MARCHF8: variants seen among roughly 807,000 people sequenced by gnomAD.
MARCHF8 encodes membrane associated ring-CH-type finger 8, also known as E3 ubiquitin-protein ligase MARCHF8.
Under a neutral mutation model 51.6 loss-of-function variants are expected in MARCHF8, and 40 were observed. The observed-to-expected ratio is 0.77, with a 90% CI of 0.60 to 1.01. The LOEUF is 1.01. Ranked by LOEUF, MARCHF8 falls within the 50% of genes least tolerant of loss-of-function variation. MARCHF8 has a pLI of 0.00. For synonymous variants in MARCHF8, 263 were observed against 280.3 expected, an observed-to-expected ratio of 0.94 and a Z score of 0.62; for missense variants, 685 against 708.6, an observed-to-expected ratio of 0.97 and a Z score of 0.38.
intron 3 of MARCHF8, among the ~76,000 whole-genome samples, chr10:45,467,752 C>G (rs147737160): frequency 4.7e-4 from 72 of 152,110 alleles, no homozygotes; most frequent in African/African-American, 1.6e-3. Context: ...CAGTGTGGCA[C>G]GTGTGAGCCG....
intron 2 of MARCHF8, among the ~76,000 whole-genome samples, chr10:45,492,320 C>G (rs771062751): frequency 6.7e-6 from 1 of 150,246 alleles, no homozygotes; most frequent in African/African-American, 2.4e-5. Context: ...TTTTTTGATA[C>G]GTAGTCTCGC....
chr10:45,560,168 G>A (rs1031018865), intron 1 of MARCHF8, among the ~76,000 whole-genome samples: 1 of 152,226 alleles, frequency 6.6e-6, no homozygotes, highest in African/African-American at 2.4e-5. Flanking sequence ...CCAGAAAAAC[G>A]AGATATGAAA....
intron 2 of MARCHF8, 127 bp downstream of exon 2, chr10:45,532,983 C>G (rs1298364808): frequency 3.2e-6 from 2 of 621,692 alleles, no homozygotes; most frequent in Non-Finnish European, 4.8e-6. Context: ...CTGAGTACAA[C>G]TATTTGTGTG....
chr10:45,499,316 CT>C (rs1236745332), intron 2 of MARCHF8, among the ~76,000 whole-genome samples: 1 of 152,142 alleles, frequency 6.6e-6, no homozygotes, highest in African/African-American at 2.4e-5. Context: ...TGTAGGAGTT[CT>C]TTATATATTC....
At chr10:45,523,259 C>T (rs1246803380) in intron 2 of MARCHF8, among the ~76,000 whole-genome samples, 1 of 152,190 alleles carries the variant, frequency 6.6e-6, no homozygotes, top group Non-Finnish European at 1.5e-5. Flanking sequence ...AATAGGGTGG[C>T]TCACACCTAT....
chr10:45,506,506 A>C (rs1174572316), intron 2 of MARCHF8, among the ~76,000 whole-genome samples: 6 of 152,222 alleles, frequency 3.9e-5, no homozygotes, highest in Non-Finnish European at 7.3e-5. Context: ...TATGTCTTGC[A>C]ATATATCAGC....
intron 2 of MARCHF8, among the ~76,000 whole-genome samples, chr10:45,511,525 AGCCTGCCGAGT>A (rs1431372753): frequency 2.0e-5 from 3 of 152,140 alleles, no homozygotes; most frequent in Admixed American, 2.0e-4. Flanking sequence ...CTCCTGCCTC[AGCCTGCCGAGT>A]GCCTGCGATT....
chr10:45,522,340 A>G (rs999210154), intron 2 of MARCHF8, among the ~76,000 whole-genome samples: 1 of 152,168 alleles, frequency 6.6e-6, no homozygotes, highest in Non-Finnish European at 1.5e-5. Context: ...ATCTCCCACA[A>G]AGTAACCATT....
intron 3 of MARCHF8, among the ~76,000 whole-genome samples, chr10:45,488,426 G>C (rs781300764): frequency 6.6e-6 from 1 of 152,070 alleles, no homozygotes; most frequent in African/African-American, 2.4e-5. Context: ...GTGTCAAGTA[G>C]GAGATAGCAC....
At chr10:45,533,009 T>A (rs1016064066) in intron 2 of MARCHF8, 101 bp downstream of exon 2, 1 of 825,246 alleles carries the variant, frequency 1.2e-6, no homozygotes, top group Admixed American at 3.6e-5. Context: ...CAGTATATTA[T>A]CAGAGAAAAC....
At chr10:45,531,728 G>A (rs2043889525) in intron 2 of MARCHF8, among the ~76,000 whole-genome samples, 1 of 152,196 alleles carries the variant, frequency 6.6e-6, no homozygotes, top group Non-Finnish European at 1.5e-5. Context: ...TGTGTTAACA[G>A]ATTAGACTAA....
At chr10:45,550,276 G>C (rs1278948604) in intron 1 of MARCHF8, among the ~76,000 whole-genome samples, 2 of 152,102 alleles carry the variant, frequency 1.3e-5, no homozygotes, top group Non-Finnish European at 2.9e-5. Context: ...ATATTCCCAA[G>C]GTTTAGATAC....
intron 1 of MARCHF8, among the ~76,000 whole-genome samples, chr10:45,558,351 G>A (rs1275842324): frequency 6.6e-6 from 1 of 152,208 alleles, no homozygotes; most frequent in Non-Finnish European, 1.5e-5. Flanking sequence ...TGAGAAGAGA[G>A]TAGTGGCTTG....
At chr10:45,462,281 A>C (rs1277605656) in intron 5 of MARCHF8, 1 of 152,344 alleles carries the variant, frequency 6.6e-6, no homozygotes, top group East Asian at 1.9e-4. Flanking sequence ...TCATGACAAA[A>C]AGTGAATTAT....
intron 2 of MARCHF8, among the ~76,000 whole-genome samples, chr10:45,523,412 T>C (rs1008469656): frequency 6.6e-6 from 1 of 152,140 alleles, no homozygotes; most frequent in Non-Finnish European, 1.5e-5. Flanking sequence ...TAGTCCCAGC[T>C]ATTCAGGAGG....
chr10:45,537,652 CAAA>C (rs559861085), upstream of MARCHF8, among the ~76,000 whole-genome samples: 14 of 78,112 alleles, frequency 1.8e-4, no homozygotes, highest in Admixed American at 1.5e-4. Flanking sequence ...GACCTTGTCT[CAAA>C]AAAAAAAAAA....
chr10:45,519,279 C>T (rs891519644), intron 2 of MARCHF8, among the ~76,000 whole-genome samples: 3 of 152,156 alleles, frequency 2.0e-5, no homozygotes, highest in African/African-American at 7.2e-5. Context: ...AAACAACTAA[C>T]AGATATGACT....
At chr10:45,572,767 C>A (rs1465092710) in intron 1 of MARCHF8, among the ~76,000 whole-genome samples, 1 of 152,082 alleles carries the variant, frequency 6.6e-6, no homozygotes, top group Admixed American at 6.5e-5. Flanking sequence ...CATCTGACCT[C>A]TCCCCTCCTC....
At chr10:45,511,548 C>T (rs1478134815) in intron 2 of MARCHF8, among the ~76,000 whole-genome samples, 1 of 152,274 alleles carries the variant, frequency 6.6e-6, no homozygotes, top group Non-Finnish European at 1.5e-5. Context: ...CCTGCGATTA[C>T]AGGCGCGCGC....
Sources: gnomAD v4.1 joint callset for allele counts (sites outside exome capture counted in the v4.1 genomes callset) on GRCh38, gnomAD v4.1.1 for gene constraint, MANE v1.5 for transcripts, NCBI Gene and HGNC (gene_info 2026-07-23, HGNC 2026-07-21) for gene names.